The following RIMS3 variants were observed in gnomAD, a reference collection of about 807,000 sequenced individuals.
RIMS3 encodes the protein regulating synaptic membrane exocytosis 3, also known as regulating synaptic membrane exocytosis protein 3.
Under a neutral mutation model 29.2 loss-of-function variants are expected in RIMS3, and 15 were observed. The ratio of observed to expected loss-of-function variants is 0.51; its 90% CI spans 0.34 to 0.79. The LOEUF (loss-of-function observed/expected upper bound fraction) is 0.79. Among genes scored for constraint, RIMS3 ranks in the 30% least tolerant of loss-of-function variants. The probability of loss-of-function intolerance (pLI) is 0.01; values close to 1 mark genes in which losing one functional copy is unlikely to be tolerated. For synonymous variants in RIMS3, 161 were observed against 170.1 expected, an observed-to-expected ratio of 0.95 and a Z score of 0.41; for missense variants, 342 against 421.4, an observed-to-expected ratio of 0.81 and a Z score of 1.65.
chr1:40,653,024 G>C (rs138861017), intron 1 of RIMS3, among the ~76,000 whole-genome samples: 1 of 152,104 alleles, frequency 6.6e-6, no homozygotes, highest in Admixed American at 6.6e-5. Context: ...GGGGTGAGAG[G>C]TGCCATCAGC....
Position 40,641,705 on chromosome 1 carries a change from T to G in RIMS3, c.217+4A>C. ...CTACCCCGTGATGTCCCATGCCCCCTCACCAGGCTGCGGAAGCTGGAGTGT... is the reference window on the plus strand; with the variant it reads ...CTACCCCGTGATGTCCCATGCCCCCGCACCAGGCTGCGGAAGCTGGAGTGT... On this transcript the variant is annotated splice_donor_region_variant and intron_variant, in intron 3 of 7. Transcript: ENST00000372684. 6.2e-7 allele frequency: 1 copy of G among 1,613,922 alleles called. No individual in the cohort carries two copies. The highest frequency in any genetic ancestry group is 8.5e-7 in the Non-Finnish European group (1 of 1,179,868).
At chr1:40,685,858 A>G in the RIMS3 span, among the ~76,000 whole-genome samples, 2 of 152,056 alleles carry the variant, frequency 1.3e-5, no homozygotes. Flanking sequence ...AAAAAAAAAA[A>G]GTAGGCTGGA....
intron 4 of RIMS3, 84 bp from the exon 5 acceptor site, chr1:40,633,265 C>A (rs563668933): frequency 2.0e-4 from 203 of 998,912 alleles, no homozygotes; most frequent in Non-Finnish European, 3.0e-4. Flanking sequence ...CATGCTCTGG[C>A]CCTGGGGCCC....
the RIMS3 span, among the ~76,000 whole-genome samples, chr1:40,681,990 C>G: frequency 6.6e-6 from 1 of 152,184 alleles, no homozygotes; most frequent in Non-Finnish European, 1.5e-5. Context: ...CCCACCACCC[C>G]ACCCAGCTAA....
At chr1:40,668,366 G>A (rs1391506169), upstream of RIMS3, among the ~76,000 whole-genome samples, 1 of 151,522 alleles carries the variant, frequency 6.6e-6, no homozygotes, top group Admixed American at 6.6e-5. Flanking sequence ...AGGCTGCAGT[G>A]AGCTGTGATC....
intron 5 of RIMS3, among the ~76,000 whole-genome samples, chr1:40,632,277 C>T (rs1032335261): frequency 6.6e-6 from 1 of 151,230 alleles, no homozygotes; most frequent in Non-Finnish European, 1.5e-5. Context: ...ACAGTGGGCC[C>T]GTAAGATTAT....
At chr1:40,674,429 A>G in the RIMS3 span, among the ~76,000 whole-genome samples, 1 of 152,182 alleles carries the variant, frequency 6.6e-6, no homozygotes, top group Admixed American at 6.5e-5. Context: ...TTGAGCAGAT[A>G]GGGCCAGCAC....
the RIMS3 span, among the ~76,000 whole-genome samples, chr1:40,671,757 C>CTTT: frequency 5.4e-5 from 7 of 130,302 alleles, no homozygotes; most frequent in East Asian, 2.2e-4. Flanking sequence ...CCTTTCTTTT[C>CTTT]TTTTTTTTTT....
At chr1:40,685,331 A>T in the RIMS3 span, among the ~76,000 whole-genome samples, 2 of 17,768 alleles carry the variant, frequency 1.1e-4, no homozygotes, top group Admixed American at 3.9e-4. Flanking sequence ...TTAATATATA[A>T]TATAATTATA....
At chr1:40,638,388 A>T (rs948328437) in intron 3 of RIMS3, among the ~76,000 whole-genome samples, 1 of 152,232 alleles carries the variant, frequency 6.6e-6, no homozygotes, top group African/African-American at 2.4e-5. Flanking sequence ...TTCATACATG[A>T]ATAGTCTCAA....
At chr1:40,669,890 C>T (rs1642469219), upstream of RIMS3, among the ~76,000 whole-genome samples, 1 of 152,206 alleles carries the variant, frequency 6.6e-6, no homozygotes, top group African/African-American at 2.4e-5. Context: ...CTCTCAGAAA[C>T]TTGGGAGTCC....
Position 40,626,225 on chromosome 1 carries a change from T to C in RIMS3, c.*292A>G. ...TGTCCACACAACACTCCTTTGGGTT[T>C]CTTTTCAACAAGACACAAAGAGACG... On this transcript the variant is annotated 3_prime_UTR_variant, in exon 8 of 8. Coordinates refer to ENST00000372684, the MANE Select transcript of RIMS3 (RefSeq NM_014747.3). The C allele has an allele frequency of 2.1e-6, 1 of 468,508 alleles. No individual in the cohort carries two copies. The highest frequency in any genetic ancestry group is 4.0e-6 in the Non-Finnish European group (1 of 252,932). The allele number at this position is 468,508 out of a possible 1,614,324, so 29.0% of individuals were successfully genotyped here. A position where few individuals can be genotyped will look rare whatever the true frequency, so the allele number is the denominator to read the frequency against.
rs1275705477 is a variant in RIMS3 at position 40,626,379 on chromosome 1, G to C, written c.*138C>G. The C allele has an allele frequency of 3.8e-6, 3 of 790,736 alleles. No homozygotes were observed. The highest frequency in any genetic ancestry group is 6.4e-6 in the Non-Finnish European group (3 of 469,060). The allele number at this position is 790,736 out of a possible 1,614,324, so 49.0% of individuals were successfully genotyped here. A position where few individuals can be genotyped will look rare whatever the true frequency, so the allele number is the denominator to read the frequency against. On this transcript the variant is annotated 3_prime_UTR_variant, in exon 8 of 8. Transcript: ENST00000372684. ...GCACACACTACAGTCTCCACTGCCA[G>C]CTGGGATGAGCCCAGTAGCCAACAG...
chr1:40,652,138 G>A (rs1308730449), intron 1 of RIMS3, among the ~76,000 whole-genome samples: 10 of 152,126 alleles, frequency 6.6e-5, no homozygotes, highest in East Asian at 3.9e-4. Context: ...GTAGGATGTG[G>A]CTAGATGTGG....
chr1:40,679,511 G>A, the RIMS3 span, among the ~76,000 whole-genome samples: 1 of 152,226 alleles, frequency 6.6e-6, no homozygotes, highest in Non-Finnish European at 1.5e-5. Flanking sequence ...TTGGACATTA[G>A]TTGAAACATT....
At chr1:40,633,371 A>T (rs975557040) in intron 4 of RIMS3, among the ~76,000 whole-genome samples, 190 bp from the exon 5 acceptor site, 1 of 152,262 alleles carries the variant, frequency 6.6e-6, no homozygotes, top group African/African-American at 2.4e-5. Context: ...CTGCATACTG[A>T]AGAAAAATAC....
At chr1:40,638,109 T>G (rs117258210) in intron 3 of RIMS3, among the ~76,000 whole-genome samples, 1 of 152,184 alleles carries the variant, frequency 6.6e-6, no homozygotes, top group East Asian at 1.9e-4. Flanking sequence ...AATCCTGAAA[T>G]CTTAGAGATA....
rs749922047 is a variant in RIMS3 at position 40,635,916 on chromosome 1, G to A, written c.359C>T (p.Thr120Met). ...GSTNSNSSDG[T>M]FIFPTTRLGA... ...GACCACAGCACGGGGCTGCACGCAC[G>A]TGCCGTCGGAGCTGTTGCTGTTGGT... The change falls in exon 4 of 8, where the codon ACG (threonine) becomes ATG (methionine). Residue 120 changes from threonine to methionine, a missense_variant and splice_region_variant. By Grantham distance (81) the Thr-to-Met change is moderately conservative (BLOSUM62 -1). Coordinates refer to ENST00000372684, the MANE Select transcript of RIMS3 (RefSeq NM_014747.3). This position sits in a 1 kb window ranked among gnomAD's most constrained non-coding sequence, Gnocchi z 4.1. 4 of 1,612,628 alleles carry A rather than the reference G, an allele frequency of 2.5e-6. No homozygotes were observed. Among genetic ancestry groups the A allele is most frequent in the South Asian group, 2.2e-5 (2 of 91,054 alleles).
upstream of RIMS3, among the ~76,000 whole-genome samples, chr1:40,667,449 C>T (rs1215584672): frequency 6.6e-6 from 1 of 152,084 alleles, no homozygotes. Context: ...TCCTCCCTGG[C>T]CCCTTTCACA....
Sources: allele counts gnomAD v4.1 joint callset (sites outside exome capture counted in the v4.1 genomes callset), GRCh38; gene constraint gnomAD v4.1.1; non-coding constraint Gnocchi (gnomAD v3.1); transcripts MANE v1.5; gene names NCBI Gene and HGNC (gene_info 2026-07-23, HGNC 2026-07-21).